The following PRKCB variants were observed in gnomAD, a reference collection of about 807,000 sequenced individuals.
PRKCB encodes the protein protein kinase C beta.
PRKCB carries 13 observed loss-of-function variants against 81.5 expected under a neutral mutation model. That is an observed-to-expected ratio of 0.16 (90% CI 0.10 to 0.25). PRKCB has a LOEUF of 0.25. Ranked by LOEUF, PRKCB falls within the 10% of genes least tolerant of loss-of-function variation. The pLI is 1.00. For synonymous variants in PRKCB, 335 were observed against 321.4 expected (o/e 1.04, Z -0.45); for missense variants, 509 against 875.7 (o/e 0.58, Z 5.29).
chr16:24,121,876 G>T (rs905647479), intron 8 of PRKCB, among the ~76,000 whole-genome samples: 8 of 152,168 alleles, frequency 5.3e-5, no homozygotes, highest in Admixed American at 6.5e-5. Flanking sequence ...TCCATGTCTT[G>T]AAAAGGTGAT....
chr16:24,035,477 G>C lies in PRKCB; in HGVS notation c.459G>C (p.Thr153=), dbSNP rs372836893. The part of the protein sequence containing the change: ...CVMNVPSLCG[T]DHTERRGRIY... The stretch of plus-strand genomic sequence containing the variant: ...TGAATGTTCCCAGCCTGTGTGGCAC[G>C]GACCACACGGAGCGCCGCGGCCGCA... Residue 153 remains threonine, a synonymous_variant, in exon 5 of 17, where the codon ACG becomes ACC. Transcript: ENST00000643927. 1 of 1,614,062 alleles carries C rather than the reference G, an allele frequency of 6.2e-7. No homozygotes were observed. Among genetic ancestry groups the C allele is most frequent in the Non-Finnish European group, 8.5e-7 (1 of 1,180,026 alleles).
At chr16:23,882,168 C>A (rs1186561995) in intron 2 of PRKCB, among the ~76,000 whole-genome samples, 2 of 151,072 alleles carry the variant, frequency 1.3e-5, no homozygotes, top group Non-Finnish European at 2.9e-5. Flanking sequence ...CAGCCTTGAC[C>A]TCCTGTGCTC....
At chr16:23,847,351 T>A in intron 2 of PRKCB, among the ~76,000 whole-genome samples, 1 of 111,228 alleles carries the variant, frequency 9.0e-6, no homozygotes, top group African/African-American at 4.3e-5. Context: ...TATCTATCTA[T>A]CTATCTATCT....
intron 3 of PRKCB, among the ~76,000 whole-genome samples, chr16:24,021,137 C>CTCT (rs1965381068): frequency 7.4e-6 from 1 of 135,934 alleles, no homozygotes; most frequent in African/African-American, 2.6e-5. Flanking sequence ...TTCCTTCCTT[C>CTCT]CTTCCTTCTT....
chr16:23,941,437 C>T (rs1329761542), intron 2 of PRKCB, among the ~76,000 whole-genome samples: 1 of 152,166 alleles, frequency 6.6e-6, no homozygotes, highest in Non-Finnish European at 1.5e-5. Flanking sequence ...ACACAAAAAT[C>T]TAACAAAGAT....
chr16:24,095,810 C>A (rs1374503434), intron 7 of PRKCB, among the ~76,000 whole-genome samples: 1 of 152,036 alleles, frequency 6.6e-6, no homozygotes, highest in African/African-American at 2.4e-5. Flanking sequence ...CTCAAAAGGC[C>A]AGTCTACAAT....
chr16:23,917,801 T>G (rs1963764804), intron 2 of PRKCB, among the ~76,000 whole-genome samples: 1 of 152,136 alleles, frequency 6.6e-6, no homozygotes, highest in African/African-American at 2.4e-5. Context: ...GGCAAGACAT[T>G]AGTGGGTATC....
At chr16:23,838,866 A>C (rs1278968452) in intron 2 of PRKCB, among the ~76,000 whole-genome samples, 1 of 152,196 alleles carries the variant, frequency 6.6e-6, no homozygotes, top group Non-Finnish European at 1.5e-5. Flanking sequence ...ACCACACCAG[A>C]GGACTCCTCA....
At chr16:23,897,921 T>C (rs1189360772) in intron 2 of PRKCB, among the ~76,000 whole-genome samples, 2 of 151,632 alleles carry the variant, frequency 1.3e-5, no homozygotes, top group African/African-American at 4.8e-5. Context: ...TATTTTGCAA[T>C]GGAGTCTTGC....
chr16:23,984,924 G>A (rs1964783356), intron 2 of PRKCB, among the ~76,000 whole-genome samples: 1 of 152,116 alleles, frequency 6.6e-6, no homozygotes, highest in Admixed American at 6.5e-5. Context: ...AACTACGACA[G>A]GGGGAAAAGA....
At chr16:24,117,084 T>C (rs1476803723) in intron 8 of PRKCB, among the ~76,000 whole-genome samples, 1 of 145,534 alleles carries the variant, frequency 6.9e-6, no homozygotes, top group Non-Finnish European at 1.5e-5. Context: ...TTTAAAAAAA[T>C]GTTTCCAACA....
chr16:23,987,406 G>GA (rs964710196), intron 2 of PRKCB, among the ~76,000 whole-genome samples: 8 of 137,724 alleles, frequency 5.8e-5, no homozygotes, highest in South Asian at 2.3e-4. Context: ...TGGGGTGGGG[G>GA]GGGGTGTGTT....
At chr16:24,021,018 T>C (rs942061259) in intron 3 of PRKCB, among the ~76,000 whole-genome samples, 3 of 134,534 alleles carry the variant, frequency 2.2e-5, no homozygotes, top group Admixed American at 7.3e-5. Context: ...CTTTCTTTCT[T>C]TCTTTCTTTC....
intron 8 of PRKCB, among the ~76,000 whole-genome samples, chr16:24,113,555 T>G (rs1052709346): frequency 8.9e-5 from 13 of 145,466 alleles, no homozygotes; most frequent in Non-Finnish European, 3.0e-5. Context: ...TCTTTCTTCC[T>G]CCTTCCTCTC....
chr16:23,914,145 C>T (rs1963703630), intron 2 of PRKCB, among the ~76,000 whole-genome samples: 1 of 152,162 alleles, frequency 6.6e-6, no homozygotes, highest in Non-Finnish European at 1.5e-5. Context: ...GTAGCTGAGA[C>T]TACAGGCATG....
At chr16:23,872,744 G>A (rs1962925961) in intron 2 of PRKCB, among the ~76,000 whole-genome samples, 1 of 152,108 alleles carries the variant, frequency 6.6e-6, no homozygotes, top group African/African-American at 2.4e-5. Flanking sequence ...TGTATGGAAA[G>A]CACTGATTGC....
In PRKCB at chr16:24,217,586, C is replaced by T; in HGVS notation, c.*2770C>T. 1 of 985,412 alleles carries T rather than the reference C, an allele frequency of 1.0e-6. No individual in the cohort carries two copies. Among genetic ancestry groups the T allele is most frequent in the Non-Finnish European group, 1.2e-6 (1 of 829,968 alleles). The allele number at this position is 985,412 out of a possible 1,614,324, so 61.0% of individuals were successfully genotyped here. Reference sequence around the variant, plus strand: ...GGAGTATTTTCTCTGGGGATCTGCCCACAGGACAAAGTCCATAAAAGCAAG... The same window carrying T: ...GGAGTATTTTCTCTGGGGATCTGCCTACAGGACAAAGTCCATAAAAGCAAG... On this transcript the variant is annotated 3_prime_UTR_variant, in exon 17 of 17. Coordinates refer to ENST00000643927, the MANE Select transcript of PRKCB (RefSeq NM_002738.7).
At chr16:23,933,974 ATCC>A in intron 2 of PRKCB, among the ~76,000 whole-genome samples, 1 of 143,982 alleles carries the variant, frequency 6.9e-6, no homozygotes, top group Non-Finnish European at 1.5e-5. Context: ...CCATCCATCC[ATCC>A]ATCCATCCAT....
intron 2 of PRKCB, among the ~76,000 whole-genome samples, chr16:23,867,021 C>A (rs562462069): frequency 1.2e-5 from 1 of 82,486 alleles, no homozygotes; most frequent in African/African-American, 5.2e-5. Context: ...TCCTTCCTTC[C>A]TTCCTTCCTT....
Sources: gnomAD v4.1 joint callset for allele counts (sites outside exome capture counted in the v4.1 genomes callset) on GRCh38, gnomAD v4.1.1 for gene constraint, MANE v1.5 for transcripts, NCBI Gene and HGNC (gene_info 2026-07-23, HGNC 2026-07-21) for gene names.